PVT1: variants seen among roughly 807,000 people sequenced by gnomAD.
The protein encoded by PVT1 is Pvt1 oncogene, also known as CXCR4/PVT1 fusion.
rs990693621 is a variant in PVT1, at chr8:128,059,732, G to A, written n.913-10428G>A. 7.2e-5 allele frequency among the ~76,000 whole-genome samples: 11 copies of A among 152,222 alleles called. 1 individual carries two copies. Among genetic ancestry groups the A allele is most frequent in the South Asian group, 2.1e-4 (1 of 4,822 alleles). ...TACATGTGTAAGCTCATCCAATCCC[G>A]CATAGTGTTGGCAGTTATCATACCA... On this transcript the variant is annotated intron_variant and non_coding_transcript_variant, in intron 4 of 10. Coordinates refer to ENST00000651587, the Ensembl canonical transcript of PVT1.
At chr8:128,090,053 T>C (rs1012655024) in intron 5 of PVT1, among the ~76,000 whole-genome samples, 1 of 152,252 alleles carries the variant, frequency 6.6e-6, no homozygotes, top group African/African-American at 2.4e-5. Context: ...CCAATTGTGT[T>C]GAATTCAGTT....
intron 2 of PVT1, among the ~76,000 whole-genome samples, chr8:127,882,302 G>A (rs780989423): frequency 1.4e-4 from 21 of 152,064 alleles, no homozygotes; most frequent in African/African-American, 4.6e-4. Context: ...GCCTGTCAGC[G>A]GGGGGACAGC....
intron 5 of PVT1, among the ~76,000 whole-genome samples, chr8:128,075,314 C>T (rs1466982508): frequency 6.6e-6 from 1 of 152,124 alleles, no homozygotes; most frequent in Non-Finnish European, 1.5e-5. Context: ...CCTCCTCCTT[C>T]TGTGTTAGAA....
chr8:128,004,016 G>C (rs4733824), intron 4 of PVT1, among the ~76,000 whole-genome samples: 35,637 of 152,088 alleles, frequency 0.23, 4,262 homozygotes, highest in Middle Eastern at 0.33. Flanking sequence ...TGTAGGAGCA[G>C]AGAGGGTTCT....
chr8:127,871,621 A>G (rs1047931860), intron 2 of PVT1, among the ~76,000 whole-genome samples: 5 of 151,948 alleles, frequency 3.3e-5, no homozygotes, highest in African/African-American at 1.2e-4. Context: ...AGATCAAGAT[A>G]CAGCTCTTTG....
At chr8:128,083,998 C>G (rs1483442333) in intron 5 of PVT1, among the ~76,000 whole-genome samples, 2 of 152,182 alleles carry the variant, frequency 1.3e-5, no homozygotes, top group African/African-American at 4.8e-5. Flanking sequence ...CCCCTACTTA[C>G]CTTCTCCACC....
chr8:127,828,399 C>G (rs964913875), intron 2 of PVT1, among the ~76,000 whole-genome samples: 3 of 152,176 alleles, frequency 2.0e-5, no homozygotes, highest in Admixed American at 6.5e-5. Flanking sequence ...ATCTTCTGCC[C>G]TAAATCATGG....
intron 2 of PVT1, among the ~76,000 whole-genome samples, chr8:127,813,212 T>TAC (rs1280213269): frequency 1.4e-4 from 7 of 50,954 alleles, no homozygotes; most frequent in Non-Finnish European, 2.4e-4. Flanking sequence ...AATATACAAA[T>TAC]ATATATATAT....
chr8:127,889,525 C>T (rs900490189), intron 2 of PVT1, among the ~76,000 whole-genome samples: 39 of 151,036 alleles, frequency 2.6e-4, no homozygotes, highest in Admixed American at 1.3e-3. Context: ...TTTCTCATCT[C>T]TAAAGTCGGT....
At chr8:128,078,157 G>T (rs1814116162) in intron 5 of PVT1, among the ~76,000 whole-genome samples, 1 of 152,182 alleles carries the variant, frequency 6.6e-6, no homozygotes, top group Non-Finnish European at 1.5e-5. Context: ...GTTGGAAGAT[G>T]TAGGGTTCTG....
At chr8:127,833,206 G>A (rs1475208621) in intron 2 of PVT1, among the ~76,000 whole-genome samples, 1 of 152,078 alleles carries the variant, frequency 6.6e-6, no homozygotes, top group Non-Finnish European at 1.5e-5. Flanking sequence ...TGAGGGATTC[G>A]GTGAGATTCC....
chr8:127,824,910 A>G (rs899813385), intron 2 of PVT1, among the ~76,000 whole-genome samples: 7 of 152,124 alleles, frequency 4.6e-5, no homozygotes, highest in African/African-American at 1.7e-4. Context: ...ACTTGAGGTC[A>G]GGAGTTCGAG....
At position 128,023,839 on chromosome 8, in the gene PVT1, T is replaced by G. The variant is rs546000978; in HGVS notation, n.912+34548T>G. 6.6e-5 allele frequency among the ~76,000 whole-genome samples: 10 copies of G among 152,316 alleles called. No individual in the cohort carries two copies. The South Asian group carries it at 2.1e-3, about 32-fold the overall frequency. ...CTCCAAGGCAAGCCTGTTACATTCT[T>G]CAAGGAGAAAACAGCTTGACATCAG... On this transcript the variant is annotated intron_variant and non_coding_transcript_variant, in intron 4 of 10. Coordinates refer to ENST00000651587, the Ensembl canonical transcript of PVT1.
intron 3 of PVT1, among the ~76,000 whole-genome samples, chr8:127,922,484 T>C (rs138689470): frequency 6.6e-6 from 1 of 152,164 alleles, no homozygotes; most frequent in East Asian, 1.9e-4. Flanking sequence ...TCTGCCTCAG[T>C]TTTCCATGGC....
intron 3 of PVT1, among the ~76,000 whole-genome samples, chr8:127,937,851 A>G (rs1366143612): frequency 6.6e-6 from 1 of 152,186 alleles, no homozygotes; most frequent in East Asian, 1.9e-4. Context: ...CCCAAGTCTC[A>G]GAGAGGGAAG....
chr8:127,968,848 G>A (rs1314004456), intron 3 of PVT1, among the ~76,000 whole-genome samples: 3 of 152,122 alleles, frequency 2.0e-5, no homozygotes, highest in Admixed American at 2.0e-4. Context: ...TGATGGAGGT[G>A]GAGATTAGAG....
At chr8:128,056,830 G>A (rs988389807) in intron 4 of PVT1, among the ~76,000 whole-genome samples, 3 of 152,288 alleles carry the variant, frequency 2.0e-5, no homozygotes, top group African/African-American at 2.4e-5. Context: ...GCTTCTGATC[G>A]TGGCGGGTCC....
intron 2 of PVT1, among the ~76,000 whole-genome samples, chr8:127,842,952 AC>A (rs1814989184): frequency 6.6e-6 from 1 of 151,998 alleles, no homozygotes; most frequent in African/African-American, 2.4e-5. Context: ...AGGTCACAAT[AC>A]CCTCTCTGGA....
chr8:127,984,362 G>A (rs1349656469), intron 3 of PVT1, among the ~76,000 whole-genome samples: 2 of 152,190 alleles, frequency 1.3e-5, no homozygotes, highest in Non-Finnish European at 2.9e-5. Context: ...GAGCCATCGG[G>A]AAGTAGAGTG....
Sources: gnomAD v4.1 joint callset for allele counts (sites outside exome capture counted in the v4.1 genomes callset) on GRCh38, gnomAD v4.1.1 for gene constraint, MANE v1.5 for transcripts, NCBI Gene and HGNC (gene_info 2026-07-23, HGNC 2026-07-21) for gene names.